TEPSIN: variants seen among roughly 807,000 people sequenced by gnomAD.
TEPSIN encodes AP-4 complex accessory subunit tepsin.
Under a neutral mutation model 48.5 loss-of-function variants are expected in TEPSIN, and 50 were observed. The observed-to-expected ratio is 1.03, with a 90% CI of 0.82 to 1.31. The LOEUF is 1.31. TEPSIN is among the 50% of genes most tolerant of loss of function. The pLI, the probability that TEPSIN is intolerant of heterozygous loss-of-function variation, is 0.00. For missense variants in TEPSIN, 838 were observed against 815.9 expected (o/e 1.03, Z -0.33); for synonymous variants, 392 against 358.8 (o/e 1.09, Z -1.05).
In TEPSIN at chr17:81,230,648, T is replaced by TC; in HGVS notation, c.1128dup (p.Ser377GlufsTer41). The TC allele has an allele frequency of 6.3e-7, 1 of 1,582,398 alleles. No individual in the cohort carries two copies. The highest frequency in any genetic ancestry group is 8.6e-7 in the Non-Finnish European group (1 of 1,163,030). ...TGCTCCTGGGGGAGGAGGTCGCTGC[T>TC]CCCCAGGGAGGCGATGGCACACAGC... On this transcript the variant is annotated frameshift_variant, in exon 12 of 13. Coordinates refer to ENST00000637944, the MANE Select transcript of TEPSIN (RefSeq NM_001363764.2). LOFTEE classifies it high-confidence loss of function. This position sits in a 1 kb window ranked among gnomAD's most constrained non-coding sequence, Gnocchi z 4.2.
In TEPSIN at chr17:81,236,981, T is replaced by C; in HGVS notation, c.212A>G (p.Lys71Arg). The C allele has an allele frequency of 6.3e-7, 1 of 1,577,716 alleles. No homozygotes were observed. The highest frequency in any genetic ancestry group is 1.3e-5 in the African/African-American group (1 of 74,344). ...LHSSSGHGKL[K>R]VLKILLYLCS... Reference sequence around the variant, plus strand: ...ACCCTTGACCACCCAGGGGCTCACCTTGAGCTTCCCGTGGCCGGAGCTGCT... The same window carrying C: ...ACCCTTGACCACCCAGGGGCTCACCCTGAGCTTCCCGTGGCCGGAGCTGCT... Residue 71 changes from lysine to arginine, a missense_variant and splice_region_variant, in exon 3 of 13, where the codon AAG becomes AGG. Lys to Arg is a conservative substitution (Grantham distance 26, BLOSUM62 2). Coordinates refer to ENST00000637944, the MANE Select transcript of TEPSIN (RefSeq NM_001363764.2).
rs1255848498 is a variant in TEPSIN, at chr17:81,234,596, CT to C, written c.308-549del. On this transcript the variant is annotated intron_variant, in intron 4 of 12. Transcript: ENST00000637944. This position sits in a 1 kb window ranked among gnomAD's most constrained non-coding sequence, Gnocchi z 5.4. ...ATCCTTTCAGGGCTCAGGCTGAGAG[CT>C]GTGCCTCTGAGAACCCCTCGAGAGC... is the stretch of plus-strand genomic sequence containing the variant. 9.2e-5 allele frequency among the ~76,000 whole-genome samples: 14 copies of C among 152,118 alleles called. No individual in the cohort carries two copies. Among genetic ancestry groups the C allele is most frequent in the African/African-American group, 3.4e-4 (14 of 41,424 alleles).
chr17:81,229,623 C>T, intron 12 of TEPSIN, 147 bp from the exon 13 acceptor site: 1 of 837,976 alleles, frequency 1.2e-6, no homozygotes, highest in Non-Finnish European at 1.9e-6. Context: ...CTGGGAGGGG[C>T]TGGGGCAGTG....
intron 1 of TEPSIN, 69 bp downstream of exon 1, chr17:81,238,917 C>G: frequency 1.4e-6 from 2 of 1,391,662 alleles, no homozygotes; most frequent in Non-Finnish European, 1.9e-6. Flanking sequence ...CGGCCCGGGG[C>G]GAGTCCGGGG....
rs183099762 is a variant in TEPSIN at position 81,233,203 on chromosome 17, G to T, written c.526+229C>A. 3.4e-6 allele frequency: 2 copies of T among 580,952 alleles called. No individual in the cohort carries two copies. The highest frequency in any genetic ancestry group is 4.5e-4 in the Middle Eastern group (1 of 2,224). 36.0% of individuals were successfully genotyped at this position (580,952 alleles called of 1,614,324 possible). A position where few individuals can be genotyped will look rare whatever the true frequency, so the allele number is the denominator to read the frequency against. ...GGGGCCCAGCCCTGACTTCTTGCTC[G>T]GCCTGGTTTCTCTCATCTGTCCATA... On this transcript the variant is annotated intron_variant, in intron 7 of 12. Transcript: ENST00000637944. This position sits in a 1 kb window ranked among gnomAD's most constrained non-coding sequence, Gnocchi z 5.8.
rs2062515753 is a variant in TEPSIN, at chr17:81,228,657, T to C, written c.*271A>G. ...TTCCGCATTCATACAAGAAACCTCATGTCTGAGAGCAAGACAGGCAGGGAC... is the reference window on the plus strand; with the variant it reads ...TTCCGCATTCATACAAGAAACCTCACGTCTGAGAGCAAGACAGGCAGGGAC... On this transcript the variant is annotated 3_prime_UTR_variant, in exon 13 of 13. Transcript: ENST00000637944. The C allele has an allele frequency of 1.9e-6, 1 of 534,818 alleles. No homozygotes were observed. Among genetic ancestry groups the C allele is most frequent in the Non-Finnish European group, 3.2e-6 (1 of 307,838 alleles). 33.1% of individuals were successfully genotyped at this position (534,818 alleles called of 1,614,324 possible).
At chr17:81,238,558 G>A (rs554006468) in intron 1 of TEPSIN, 1 of 996,958 alleles carries the variant, frequency 1.0e-6, no homozygotes, top group African/African-American at 1.7e-5. Flanking sequence ...TGTGTTCTCT[G>A]CAACCCAGGG....
chr17:81,232,007 G>A lies in TEPSIN; in HGVS notation c.745C>T (p.Pro249Ser). The stretch of plus-strand genomic sequence containing the variant: ...TCCCAGCCCCCTCCGGCCTGCCCAG[G>A]CTGATGCCTCACAGCTGGAGGAAAC... ...IPGPRAVRHQ[P>S]GQAGGGWDEL... is the part of the protein sequence containing the mutation. The change falls in exon 9 of 13, where the codon CCT becomes TCT. Residue 249 changes from proline to serine, a missense_variant. Physicochemically the swap from Pro to Ser is moderately conservative, Grantham distance 74 (BLOSUM62 -1). Coordinates refer to ENST00000637944, the MANE Select transcript of TEPSIN (RefSeq NM_001363764.2). 6.2e-7 allele frequency: 1 copy of A among 1,609,854 alleles called. No homozygotes were observed. The highest frequency in any genetic ancestry group is 8.5e-7 in the Non-Finnish European group (1 of 1,179,802).
rs1211576666 is a variant in TEPSIN at position 81,234,136 on chromosome 17, G to C, written c.308-88C>G. ...GCACGGTGCCCTGGGCCCACTCCAGGGTGGCAAGTTCCTGCCACCAAGGCC... is the reference window on the plus strand; with the variant it reads ...GCACGGTGCCCTGGGCCCACTCCAGCGTGGCAAGTTCCTGCCACCAAGGCC... On this transcript the variant is annotated intron_variant, in intron 4 of 12. Coordinates refer to ENST00000637944, the MANE Select transcript of TEPSIN (RefSeq NM_001363764.2). The surrounding 1 kb of genome is among the most constrained non-coding windows in gnomAD (Gnocchi z 5.4). The C allele has an allele frequency of 1.0e-5, 13 of 1,265,572 alleles. No individual in the cohort carries two copies. Among genetic ancestry groups the C allele is most frequent in the Non-Finnish European group, 5.3e-6 (5 of 944,352 alleles). 78.4% of individuals were successfully genotyped at this position (1,265,572 alleles called of 1,614,324 possible). A position where few individuals can be genotyped will look rare whatever the true frequency, so the allele number is the denominator to read the frequency against.
At chr17:81,238,022 T>G (rs1035005847) in intron 1 of TEPSIN, 8 of 994,478 alleles carry the variant, frequency 8.0e-6, no homozygotes, top group African/African-American at 1.7e-5. Flanking sequence ...ATGTACGGTT[T>G]ATAGGGATGA....
chr17:81,233,706 C>A lies in TEPSIN; in HGVS notation c.386G>T (p.Ser129Ile), dbSNP rs1343753622. The A allele has an allele frequency of 6.3e-7, 1 of 1,598,208 alleles. No individual in the cohort carries two copies. The highest frequency in any genetic ancestry group is 8.5e-7 in the Non-Finnish European group (1 of 1,174,660). The part of the protein sequence containing the change: ...KVRAAAQDLG[S>I]TLFSDTVLPL... ...CAACACGGTGTCCGAGAACAGGGTG[C>A]TCCCCAAGTCCTACAGGGGGAGGCG... is the stretch of plus-strand genomic sequence containing the variant. Residue 129 changes from serine (S) to isoleucine (I), a missense_variant, in exon 6 of 13, where the codon AGC (serine) becomes ATC (isoleucine). Ser to Ile is a moderately radical substitution (Grantham distance 142). Transcript: ENST00000637944. The surrounding 1 kb of genome is among the most constrained non-coding windows in gnomAD (Gnocchi z 5.8).
At chr17:81,231,509 G>C in intron 10 of TEPSIN, 33 bp from the exon 11 acceptor site, 1 of 1,567,274 alleles carries the variant, frequency 6.4e-7, no homozygotes, top group Non-Finnish European at 8.6e-7. Context: ...TGGCGGGTGC[G>C]GCCCGTTCCC....
chr17:81,228,699 T>G lies in TEPSIN; in HGVS notation c.*229A>C. The G allele has an allele frequency of 1.7e-6, 1 of 599,260 alleles. No individual in the cohort carries two copies. The allele number at this position is 599,260 out of a possible 1,614,324, so 37.1% of individuals were successfully genotyped here. A position where few individuals can be genotyped will look rare whatever the true frequency, so the allele number is the denominator to read the frequency against. On this transcript the variant is annotated 3_prime_UTR_variant, in exon 13 of 13. Coordinates refer to ENST00000637944, the MANE Select transcript of TEPSIN (RefSeq NM_001363764.2). Reference sequence around the variant, plus strand: ...GGCAGGGACTGCCCCCTGAGAGCCCTGAGATCGACATTTCTGAAGCCCTGC... The same window carrying G: ...GGCAGGGACTGCCCCCTGAGAGCCCGGAGATCGACATTTCTGAAGCCCTGC...
At chr17:81,235,285 C>T (rs2062700824) in intron 4 of TEPSIN, among the ~76,000 whole-genome samples, 3 of 152,232 alleles carry the variant, frequency 2.0e-5, no homozygotes, top group Non-Finnish European at 2.9e-5. Flanking sequence ...TAACTGCCAG[C>T]TGCGTTTTCT....
At chr17:81,231,781 G>A (rs769260298) in intron 9 of TEPSIN, 66 bp downstream of exon 9, 205 of 1,605,358 alleles carry the variant, frequency 1.3e-4, no homozygotes, top group Middle Eastern at 6.9e-4. Flanking sequence ...AGCAGGAGCC[G>A]CGCTGGGAGG....
Position 81,231,900 on chromosome 17 carries a change from G to A in TEPSIN, c.852C>T (p.Ser284=), listed in dbSNP as rs368698740. The change falls in exon 9 of 13, where the codon TCC becomes TCT. Residue 284 remains serine (S), a synonymous_variant. Coordinates refer to ENST00000637944, the MANE Select transcript of TEPSIN (RefSeq NM_001363764.2). ...TGGCCCCTGAATGGCTGTCGCTGCC[G>A]GAATGACTGCCCGAGTCCGAGACCC... The part of the protein sequence containing the change: ...LSRVSDSGSH[S]GSDSHSGASR... 137 of 1,613,464 alleles carry A rather than the reference G, an allele frequency of 8.5e-5. No individual in the cohort carries two copies. The highest frequency in any genetic ancestry group is 2.1e-4 in the African/African-American group (16 of 74,924).
chr17:81,238,785 G>A, intron 1 of TEPSIN: 1 of 1,319,294 alleles, frequency 7.6e-7, no homozygotes, highest in Non-Finnish European at 9.6e-7. Flanking sequence ...GGCGGGTCCG[G>A]CTTGGAAGGC....
At chr17:81,237,928 CCGAGAACCGACTGA>C in intron 1 of TEPSIN, 2 of 991,292 alleles carry the variant, frequency 2.0e-6, no homozygotes, top group African/African-American at 3.5e-5. Context: ...CCATCGCTCC[CCGAGAACCGACTGA>C]TGTCGTGTGT....
intron 4 of TEPSIN, among the ~76,000 whole-genome samples, chr17:81,236,448 C>T (rs897905057): frequency 1.3e-5 from 2 of 152,108 alleles, no homozygotes; most frequent in South Asian, 2.1e-4. Context: ...GGCCCAGGGA[C>T]GCATAGGAGG....
Sources: gnomAD v4.1 joint callset for allele counts (sites outside exome capture counted in the v4.1 genomes callset) on GRCh38, gnomAD v4.1.1 for gene constraint, Gnocchi (gnomAD v3.1) non-coding constraint, MANE v1.5 for transcripts, NCBI Gene and HGNC (gene_info 2026-07-23, HGNC 2026-07-21) for gene names.